Variants in TMEM178B observed in about 807,000 individuals in gnomAD.
The protein encoded by TMEM178B is transmembrane protein 178B.
Under a neutral mutation model 31.0 loss-of-function variants are expected in TMEM178B, and 5 were observed. The ratio of observed to expected loss-of-function variants is 0.16; its 90% CI spans 0.08 to 0.34. TMEM178B has a LOEUF of 0.34. TMEM178B is among the 10% of genes least tolerant of loss of function. The pLI, the probability that TMEM178B is intolerant of heterozygous loss-of-function variation, is 1.00. For synonymous variants in TMEM178B, 164 were observed against 164.0 expected, an observed-to-expected ratio of 1.00 and a Z score of 0.00; for missense variants, 275 against 400.3, an observed-to-expected ratio of 0.69 and a Z score of 2.67.
chr7:141,089,992 A>G (rs1444357869), intron 1 of TMEM178B, among the ~76,000 whole-genome samples: 1 of 152,108 alleles, frequency 6.6e-6, no homozygotes, highest in Non-Finnish European at 1.5e-5. Flanking sequence ...CATGTACCCT[A>G]GAACTTAAAG....
Position 141,344,574 on chromosome 7 carries a change from C to CCCTTCCTCCCTT in TMEM178B, c.497-93027_497-93026insCCCTTCCTTCCT, listed in dbSNP as rs1554478049. ...CTCCCTCCCTCCATTCCTCCCTCCT[C>CCCTTCCTCCCTT]CCTTCCTTCCTTCCTTCCTTCCTTC... is the stretch of plus-strand genomic sequence containing the variant. On this transcript the variant is annotated intron_variant, in intron 2 of 3. Transcript: ENST00000565468. The surrounding 1 kb of genome is among the most constrained non-coding windows in gnomAD (Gnocchi z 4.1). Among the ~76,000 whole-genome samples, 4 of 137,236 alleles carry CCCTTCCTCCCTT rather than the reference C, an allele frequency of 2.9e-5. No individual in the cohort carries two copies. Among genetic ancestry groups the CCCTTCCTCCCTT allele is most frequent in the Non-Finnish European group, 4.7e-5 (3 of 64,034 alleles). 90.0% of individuals were successfully genotyped at this position (137,236 alleles called of 152,430 possible). A position where few individuals can be genotyped will look rare whatever the true frequency, so the allele number is the denominator to read the frequency against.
At chr7:141,100,067 C>T (rs1234330780) in intron 1 of TMEM178B, among the ~76,000 whole-genome samples, 1 of 152,204 alleles carries the variant, frequency 6.6e-6, no homozygotes, top group Middle Eastern at 3.2e-3. Context: ...GATCCGCCCG[C>T]CTTGGCCTCC....
intron 2 of TMEM178B, among the ~76,000 whole-genome samples, chr7:141,345,705 T>G (rs1799607067): frequency 6.6e-6 from 1 of 152,196 alleles, no homozygotes; most frequent in Non-Finnish European, 1.5e-5. Flanking sequence ...AAGAAAAAAG[T>G]TAAAGAGGTT....
chr7:141,101,146 A>G (rs1348016527), intron 1 of TMEM178B, among the ~76,000 whole-genome samples: 1 of 152,232 alleles, frequency 6.6e-6, no homozygotes, highest in Non-Finnish European at 1.5e-5. Flanking sequence ...AGCATTAGAT[A>G]AGCCACCAAA....
At chr7:141,388,827 A>C (rs992423793) in intron 2 of TMEM178B, among the ~76,000 whole-genome samples, 2 of 152,228 alleles carry the variant, frequency 1.3e-5, no homozygotes, top group Admixed American at 6.5e-5. Flanking sequence ...AAAGATCTAC[A>C]TACATAAACA....
At position 141,344,578 on chromosome 7, in the gene TMEM178B, T is replaced by TCCTCCCTTCCTC. The variant is rs768031258; in HGVS notation, c.497-93027_497-93026insCCCTTCCTCCCT. Among the ~76,000 whole-genome samples, 1 of 18,610 alleles carries TCCTCCCTTCCTC rather than the reference T, an allele frequency of 5.4e-5. No homozygotes were observed. Among genetic ancestry groups the TCCTCCCTTCCTC allele is most frequent in the Non-Finnish European group, 1.2e-4 (1 of 8,624 alleles). 12.2% of individuals were successfully genotyped at this position (18,610 alleles called of 152,430 possible). ...CTCCCTCCATTCCTCCCTCCTCCCT[T>TCCTCCCTTCCTC]CCTTCCTTCCTTCCTTCCTTCCTTC... On this transcript the variant is annotated intron_variant, in intron 2 of 3. Coordinates refer to ENST00000565468, the MANE Select transcript of TMEM178B (RefSeq NM_001195278.2). The surrounding 1 kb of genome is among the most constrained non-coding windows in gnomAD (Gnocchi z 4.1).
intron 2 of TMEM178B, among the ~76,000 whole-genome samples, chr7:141,319,979 T>G (rs1200536775): frequency 2.0e-5 from 3 of 152,182 alleles, no homozygotes; most frequent in Admixed American, 2.0e-4. Context: ...AAATCTCATC[T>G]CAAATTGTAA....
intron 2 of TMEM178B, among the ~76,000 whole-genome samples, chr7:141,275,294 C>T (rs1798248162): frequency 6.6e-6 from 1 of 152,194 alleles, no homozygotes; most frequent in Non-Finnish European, 1.5e-5. Flanking sequence ...AGTGTAGTAC[C>T]TCTCCTAAGA....
intron 2 of TMEM178B, among the ~76,000 whole-genome samples, chr7:141,339,351 AGCAGATGG>A (rs1799478059): frequency 1.3e-5 from 2 of 152,302 alleles, no homozygotes; most frequent in Admixed American, 6.5e-5. Context: ...AGTGTGCTGC[AGCAGATGG>A]GCTCACGTGG....
rs1467472251 is a variant in TMEM178B, at chr7:141,472,194, G to T, written c.*1408G>T. The T allele has an allele frequency of 6.6e-6, 1 of 152,164 alleles. No individual in the cohort carries two copies. Among genetic ancestry groups the T allele is most frequent in the African/African-American group, 2.4e-5 (1 of 41,414 alleles). The allele number at this position is 152,164 out of a possible 1,614,324, so 9.4% of individuals were successfully genotyped here. A position where few individuals can be genotyped will look rare whatever the true frequency, so the allele number is the denominator to read the frequency against. On this transcript the variant is annotated 3_prime_UTR_variant, in exon 4 of 4. Coordinates refer to ENST00000565468, the MANE Select transcript of TMEM178B (RefSeq NM_001195278.2). Reference sequence around the variant, plus strand: ...AGGGGTGACCTCTGTACAAACGAAAGGAAGTGGGTCACATGCAGAGAGAGC... The same window carrying T: ...AGGGGTGACCTCTGTACAAACGAAATGAAGTGGGTCACATGCAGAGAGAGC...
intron 2 of TMEM178B, among the ~76,000 whole-genome samples, chr7:141,268,799 A>G (rs1232473814): frequency 6.6e-6 from 1 of 152,240 alleles, no homozygotes; most frequent in Non-Finnish European, 1.5e-5. Context: ...TGAAAGCAAG[A>G]GCAAAGGTCA....
At chr7:141,204,016 C>T (rs1796921587) in intron 1 of TMEM178B, among the ~76,000 whole-genome samples, 1 of 152,196 alleles carries the variant, frequency 6.6e-6, no homozygotes, top group Non-Finnish European at 1.5e-5. Context: ...TCCAACAGTG[C>T]TGATAGGACC....
At chr7:141,187,276 A>C in intron 1 of TMEM178B, among the ~76,000 whole-genome samples, 1 of 151,300 alleles carries the variant, frequency 6.6e-6, no homozygotes, top group Middle Eastern at 3.4e-3. Context: ...TGAGCTCATC[A>C]TTTTTTATGG....
chr7:141,150,487 G>A (rs375391724), intron 1 of TMEM178B, among the ~76,000 whole-genome samples: 6 of 152,360 alleles, frequency 3.9e-5, no homozygotes, highest in African/African-American at 1.4e-4. Flanking sequence ...CAAAGAAACA[G>A]TTGTACTGGT....
intron 1 of TMEM178B, among the ~76,000 whole-genome samples, chr7:141,092,343 C>T (rs1439350708): frequency 6.6e-6 from 1 of 152,064 alleles, no homozygotes; most frequent in African/African-American, 2.4e-5. Context: ...TAATGGAAAC[C>T]TGCAGAAGAT....
chr7:141,221,500 C>T (rs1797256160), intron 2 of TMEM178B, among the ~76,000 whole-genome samples: 1 of 152,174 alleles, frequency 6.6e-6, no homozygotes, highest in African/African-American at 2.4e-5. Context: ...TGAGTGAACT[C>T]CCAGGGAGGA....
chr7:141,499,209 A>C, the TMEM178B span, among the ~76,000 whole-genome samples: 1 of 152,186 alleles, frequency 6.6e-6, no homozygotes, highest in East Asian at 1.9e-4. Flanking sequence ...AGATGGTAAA[A>C]TAAGGGATGT....
intron 3 of TMEM178B, among the ~76,000 whole-genome samples, chr7:141,450,757 G>A (rs1801849289): frequency 1.3e-5 from 2 of 152,162 alleles, no homozygotes; most frequent in South Asian, 4.1e-4. Context: ...AGTAGACACT[G>A]TTCCAACATT....
At chr7:141,256,826 A>G (rs1797936365) in intron 2 of TMEM178B, among the ~76,000 whole-genome samples, 1 of 152,144 alleles carries the variant, frequency 6.6e-6, no homozygotes, top group Admixed American at 6.5e-5. Context: ...GATGTTGCTG[A>G]CGTGATTGGA....
Sources: allele counts gnomAD v4.1 joint callset (sites outside exome capture counted in the v4.1 genomes callset), GRCh38; gene constraint gnomAD v4.1.1; non-coding constraint Gnocchi (gnomAD v3.1); transcripts MANE v1.5; gene names NCBI Gene and HGNC (gene_info 2026-07-23, HGNC 2026-07-21).